Variants in RAB31 observed in about 807,000 individuals in gnomAD.
RAB31 encodes the protein ras-related protein Rab-31.
In RAB31, 21 loss-of-function variants were observed where a neutral mutation model predicts 25.6. That is an observed-to-expected ratio of 0.82 (90% CI 0.58 to 1.18). RAB31 has a LOEUF of 1.18. Among genes scored for constraint, RAB31 ranks in the 50% most tolerant of loss-of-function variants. The pLI, the probability that RAB31 is intolerant of heterozygous loss-of-function variation, is 0.00. For synonymous variants in RAB31, 87 were observed against 84.0 expected (o/e 1.04, Z -0.20); for missense variants, 196 against 250.1 (o/e 0.78, Z 1.46).
chr18:9,738,412 A>G (rs2068161332), intron 1 of RAB31, among the ~76,000 whole-genome samples: 3 of 152,192 alleles, frequency 2.0e-5, no homozygotes, highest in Non-Finnish European at 2.9e-5. Context: ...AGGGACCTCC[A>G]GGGAAGGGAA....
chr18:9,780,855 C>T (rs533131476), intron 2 of RAB31, among the ~76,000 whole-genome samples: 2 of 152,174 alleles, frequency 1.3e-5, no homozygotes, highest in East Asian at 1.9e-4. Context: ...CGCTCGAACC[C>T]GGGAGGCAAA....
At chr18:9,717,040 G>A (rs1187567571) in intron 1 of RAB31, among the ~76,000 whole-genome samples, 1 of 151,708 alleles carries the variant, frequency 6.6e-6, no homozygotes, top group African/African-American at 2.4e-5. Context: ...TGGGATTACA[G>A]GTGTGAGTCA....
At chr18:9,854,923 C>G (rs933460486) in intron 6 of RAB31, among the ~76,000 whole-genome samples, 2 of 152,158 alleles carry the variant, frequency 1.3e-5, no homozygotes, top group African/African-American at 2.4e-5. Flanking sequence ...TACACAGCAA[C>G]TGCCAGCATT....
chr18:9,803,739 G>A (rs535563737), intron 3 of RAB31, among the ~76,000 whole-genome samples: 1 of 152,304 alleles, frequency 6.6e-6, no homozygotes, highest in East Asian at 1.9e-4. Context: ...ATTGGTGCTG[G>A]AAACTACAAA....
At chr18:9,802,308 G>A (rs1020348628) in intron 3 of RAB31, among the ~76,000 whole-genome samples, 2 of 152,206 alleles carry the variant, frequency 1.3e-5, no homozygotes, top group Admixed American at 1.3e-4. Context: ...TGATAAGCAA[G>A]TTGCCAGCTG....
At position 9,839,069 on chromosome 18, in the gene RAB31, C is replaced by T. The variant is rs1431396568; in HGVS notation, c.381-6513C>T. ...TCCCTGGACATGAAAACAAAAGCCA[C>T]GGTTCTGGTCCGAAGACATCCACAG... On this transcript the variant is annotated intron_variant, in intron 5 of 6. Coordinates refer to ENST00000578921, the MANE Select transcript of RAB31 (RefSeq NM_006868.4). Among the ~76,000 whole-genome samples, 4 of 152,310 alleles carry T rather than the reference C, an allele frequency of 2.6e-5. No individual in the cohort carries two copies. In the South Asian group the frequency reaches 6.2e-4, roughly 24 times the overall value.
rs556318697 is a variant in RAB31 at position 9,775,830 on chromosome 18, G to A, written c.119+473G>A. ...TTGAGACTGAGTGTTGCTCTGTCAC[G>A]TTGCCCAGGCTGGAGTGCAGTGGGG... On this transcript the variant is annotated intron_variant, in intron 2 of 6. Coordinates refer to ENST00000578921, the MANE Select transcript of RAB31 (RefSeq NM_006868.4). Among the ~76,000 whole-genome samples the A allele has an allele frequency of 2.6e-5, 4 of 152,062 alleles. No homozygotes were observed. In the South Asian group the frequency reaches 6.2e-4, roughly 24 times the overall value.
At chr18:9,723,066 G>T (rs148248369) in intron 1 of RAB31, among the ~76,000 whole-genome samples, 1,705 of 149,950 alleles carry the variant, frequency 0.011, 32 homozygotes, top group African/African-American at 0.039. Context: ...TTTTTTTTTT[G>T]AGACCAAGTC....
chr18:9,713,291 G>A (rs1471478901), intron 1 of RAB31, among the ~76,000 whole-genome samples: 1 of 152,146 alleles, frequency 6.6e-6, no homozygotes, highest in African/African-American at 2.4e-5. Context: ...TCCCGAGACT[G>A]GCATTTCTTG....
intron 1 of RAB31, among the ~76,000 whole-genome samples, chr18:9,729,961 A>G (rs1175600881): frequency 6.6e-6 from 1 of 152,190 alleles, no homozygotes; most frequent in Non-Finnish European, 1.5e-5. Flanking sequence ...TGACAGATCT[A>G]AAGATGGACA....
chr18:9,814,251 C>T (rs2068589975), intron 4 of RAB31, among the ~76,000 whole-genome samples, 160 bp downstream of exon 4: 1 of 152,108 alleles, frequency 6.6e-6, no homozygotes, highest in Admixed American at 6.6e-5. Flanking sequence ...TATTTATCTG[C>T]TAAATTAAAC....
At chr18:9,797,012 T>C (rs980590648) in intron 3 of RAB31, among the ~76,000 whole-genome samples, 2 of 152,256 alleles carry the variant, frequency 1.3e-5, no homozygotes, top group Non-Finnish European at 2.9e-5. Context: ...CTACAAATGC[T>C]AACCTCATTA....
chr18:9,845,431 C>A, intron 5 of RAB31, 151 bp from the exon 6 acceptor site: 1 of 615,362 alleles, frequency 1.6e-6, no homozygotes, highest in East Asian at 3.5e-5. Context: ...AAGTCTCACT[C>A]ATACTAGGTG....
intron 2 of RAB31, among the ~76,000 whole-genome samples, chr18:9,780,006 C>T (rs572557836): frequency 1.3e-5 from 2 of 151,952 alleles, no homozygotes; most frequent in Non-Finnish European, 2.9e-5. Flanking sequence ...GAAACTTGGT[C>T]TCTACAAAAA....
At chr18:9,847,981 A>T (rs1224057618) in intron 6 of RAB31, among the ~76,000 whole-genome samples, 1 of 152,220 alleles carries the variant, frequency 6.6e-6, no homozygotes, top group African/African-American at 2.4e-5. Context: ...CTTTATGAAA[A>T]AACAAGTGCT....
At chr18:9,797,570 A>G (rs956244840) in intron 3 of RAB31, 2 of 152,224 alleles carry the variant, frequency 1.3e-5, no homozygotes, top group African/African-American at 4.8e-5. Flanking sequence ...AATAAGGTGT[A>G]AAGCTGAAAA....
intron 1 of RAB31, among the ~76,000 whole-genome samples, chr18:9,712,726 GTGCGTGCACTTAAAAAC>G (rs6146211): frequency 0.94 from 142,724 of 151,796 alleles, 67,218 homozygotes; most frequent in African/African-American, 0.98. Context: ...GGGTATTTGT[GTGCGTGCACTTAAAAAC>G]TGCGTGCACT....
chr18:9,749,349 A>G (rs1338177470), intron 1 of RAB31, among the ~76,000 whole-genome samples: 3 of 120,838 alleles, frequency 2.5e-5, no homozygotes, highest in African/African-American at 9.3e-5. Context: ...CAGAGGGAAC[A>G]GAGGGAACAG....
intron 5 of RAB31, chr18:9,816,256 A>C (rs1479047503): frequency 1.1e-5 from 2 of 180,264 alleles, no homozygotes; most frequent in Non-Finnish European, 2.5e-5. Flanking sequence ...GCATTGATTC[A>C]ACCAGAGAAG....
Sources: gnomAD v4.1 joint callset for allele counts (sites outside exome capture counted in the v4.1 genomes callset) on GRCh38, gnomAD v4.1.1 for gene constraint, MANE v1.5 for transcripts, NCBI Gene and HGNC (gene_info 2026-07-23, HGNC 2026-07-21) for gene names.